The following SASH1 variants were observed in gnomAD, a reference collection of about 807,000 sequenced individuals.
SASH1 encodes the protein SAM and SH3 domain-containing protein 1.
In SASH1, 44 loss-of-function variants were observed where a neutral mutation model predicts 125.2. The ratio of observed to expected loss-of-function variants is 0.35; its 90% confidence interval spans 0.28 to 0.45. The LOEUF is 0.45. Among genes scored for constraint, SASH1 ranks in the 20% least tolerant of loss-of-function variants. SASH1 has a pLI of 1.00. For missense variants in SASH1, 1,426 were observed against 1,614.5 expected, an observed-to-expected ratio of 0.88 and a Z score of 2.00; for synonymous variants, 639 against 649.1, an observed-to-expected ratio of 0.98 and a Z score of 0.24.
intron 1 of SASH1, among the ~76,000 whole-genome samples, chr6:148,372,475 T>C (rs1461967242): frequency 6.6e-6 from 1 of 152,186 alleles, no homozygotes; most frequent in Non-Finnish European, 1.5e-5. Context: ...GGCACCAGCA[T>C]AGTGCCTTAT....
At chr6:148,387,580 CT>C (rs1783451684) in intron 1 of SASH1, among the ~76,000 whole-genome samples, 3 of 5,970 alleles carry the variant, frequency 5.0e-4, no homozygotes, top group South Asian at 0.02. Flanking sequence ...TTCTTTCTTT[CT>C]TTCTTTCTTT....
At position 148,395,435 on chromosome 6, in the gene SASH1, C is replaced by A. The variant is rs539967533; in HGVS notation, c.285+5173C>A. Among the ~76,000 whole-genome samples, 6 of 152,298 alleles carry A rather than the reference C, an allele frequency of 3.9e-5. 1 individual carries two copies. The Middle Eastern group carries it at 0.01, about 259-fold the overall frequency. On this transcript the variant is annotated intron_variant, in intron 2 of 19. Transcript: ENST00000367467. ...TTCTGGACTGGATGTCAAGCTCTTT[C>A]TCTAGGACTTAATCACCCGGATCCT...
At chr6:148,412,537 C>T (rs996368568) in intron 2 of SASH1, among the ~76,000 whole-genome samples, 6 of 152,102 alleles carry the variant, frequency 3.9e-5, no homozygotes, top group African/African-American at 1.2e-4. Context: ...CGTATCAGTC[C>T]GCCTCTCATT....
intron 2 of SASH1, among the ~76,000 whole-genome samples, chr6:148,407,098 A>T (rs1020876337): frequency 2.6e-5 from 4 of 152,316 alleles, no homozygotes; most frequent in Admixed American, 2.0e-4. Flanking sequence ...ATAACGTAAA[A>T]TTTACCATCC....
At position 148,544,608 on chromosome 6, in the gene SASH1, G is replaced by C. The variant is rs780278866; in HGVS notation, c.3138G>C (p.Gly1046=). The C allele has an allele frequency of 3.1e-6, 5 of 1,613,196 alleles. No homozygotes were observed. Among genetic ancestry groups the C allele is most frequent in the Middle Eastern group, 1.6e-4 (1 of 6,062 alleles). ...CACTGGCTCCCAGGCCTCTCTCAGG[G>C]CAGGCGCCTGGCAGCCCACCAAGCA... ...PPALAPRPLS[G]QAPGSPPSTR... The change falls in exon 18 of 20, where the codon GGG becomes GGC. Residue 1046 remains glycine, a synonymous_variant. Coordinates refer to ENST00000367467, the MANE Select transcript of SASH1 (RefSeq NM_015278.5). This position sits in a 1 kb window ranked among gnomAD's most constrained non-coding sequence, Gnocchi z 6.4.
Position 148,543,689 on chromosome 6 carries a change from G to A in SASH1, c.2219G>A (p.Arg740Gln), listed in dbSNP as rs368640467. 31 of 1,531,790 alleles carry A rather than the reference G, an allele frequency of 2.0e-5. No homozygotes were observed. The highest frequency in any genetic ancestry group is 1.8e-4 in the Middle Eastern group (1 of 5,682). 94.9% of individuals were successfully genotyped at this position (1,531,790 alleles called of 1,614,324 possible). ...TTCCCTTGTCTCACAGGCAAGACTCGGAAAGCTAGCCTCCTATCTGCCAAG... is the reference window on the plus strand; with the variant it reads ...TTCCCTTGTCTCACAGGCAAGACTCAGAAAGCTAGCCTCCTATCTGCCAAG... The part of the protein sequence containing the change: ...SSENLENGKT[R>Q]KASLLSAKSS... The change falls in exon 18 of 20, where the codon CGG becomes CAG. Residue 740 changes from arginine (R) to glutamine (Q), a missense_variant. By Grantham distance (43) the Arg-to-Gln change is conservative. Coordinates refer to ENST00000367467, the MANE Select transcript of SASH1 (RefSeq NM_015278.5).
At chr6:148,387,595 T>TCTTC (rs1783463230) in intron 1 of SASH1, among the ~76,000 whole-genome samples, 1 of 11,566 alleles carries the variant, frequency 8.6e-5, no homozygotes, top group Non-Finnish European at 1.6e-4. Flanking sequence ...TTTCTTTCTT[T>TCTTC]CTTTCTTTCT....
intron 8 of SASH1, among the ~76,000 whole-genome samples, chr6:148,493,091 G>A (rs1779176993): frequency 6.6e-6 from 1 of 152,144 alleles, no homozygotes; most frequent in African/African-American, 2.4e-5. Flanking sequence ...AGGCGTAGGT[G>A]ATGATAGGCT....
rs556306933 is a variant in SASH1 at position 148,325,254 on chromosome 6, A to G, written n.74+52877A>G. On this transcript the variant is annotated intron_variant and non_coding_transcript_variant, in intron 1 of 3. Coordinates refer to the SASH1 transcript ENST00000367469. ...GAAGTGCAGAGTGAAATAGGGGAAA[A>G]GCCTCTTTTGTTGTTGTTGTTGTTG... Among the ~76,000 whole-genome samples the G allele has an allele frequency of 3.5e-4, 24 of 68,892 alleles. 1 individual carries two copies. The South Asian group carries it at 9.8e-3, about 28-fold the overall frequency. The allele number at this position is 68,892 out of a possible 152,430, so 45.2% of individuals were successfully genotyped here.
chr6:148,267,286 C>T, the SASH1 span, among the ~76,000 whole-genome samples: 5 of 152,036 alleles, frequency 3.3e-5, no homozygotes, highest in Non-Finnish European at 7.4e-5. Flanking sequence ...CACCCGGAAG[C>T]TTCAAAAAAT....
chr6:148,369,966 C>CAAAAAA (rs562924566), intron 1 of SASH1, among the ~76,000 whole-genome samples: 173 of 93,488 alleles, frequency 1.9e-3, no homozygotes, highest in Middle Eastern at 0.012. Context: ...AAAAGAAAAA[C>CAAAAAA]AAAAAAAAAA....
chr6:148,508,548 T>G (rs774947831), intron 8 of SASH1: 2 of 1,040,034 alleles, frequency 1.9e-6, no homozygotes, highest in African/African-American at 3.4e-5. Flanking sequence ...TTTTTCCTTG[T>G]GGTGAATAGG....
upstream of SASH1, among the ~76,000 whole-genome samples, chr6:148,338,634 A>T (rs1781235758): frequency 6.6e-6 from 1 of 152,066 alleles, no homozygotes; most frequent in Non-Finnish European, 1.5e-5. Context: ...TTGGTAAATG[A>T]TATCCTATAT....
At chr6:148,436,529 TA>T (rs1046876094) in intron 2 of SASH1, among the ~76,000 whole-genome samples, 2 of 131,090 alleles carry the variant, frequency 1.5e-5, no homozygotes, top group African/African-American at 2.6e-5. Context: ...AAATAAAAAT[TA>T]AAAAAAACAA....
At chr6:148,337,884 T>C (rs1297276636), upstream of SASH1, among the ~76,000 whole-genome samples, 2 of 152,192 alleles carry the variant, frequency 1.3e-5, no homozygotes, top group Non-Finnish European at 2.9e-5. Context: ...GCCACAGAAT[T>C]GATTCTGTAA....
At chr6:148,216,581 T>G in the SASH1 span, among the ~76,000 whole-genome samples, 4,836 of 152,258 alleles carry the variant, frequency 0.032, 119 homozygotes, top group South Asian at 0.062. Context: ...CGCTGGCATC[T>G]GGGGACATTT....
At chr6:148,421,215 A>AAGAAAGAAAGAAAGAAAGAAAGAG (rs1554255027) in intron 2 of SASH1, among the ~76,000 whole-genome samples, 1 of 125,520 alleles carries the variant, frequency 8.0e-6, no homozygotes, top group Non-Finnish European at 1.8e-5. Flanking sequence ...GAAAGAAAGA[A>AAGAAAGAAAGAAAGAAAGAAAGAG]AAAGAAAGAA....
intron 2 of SASH1, among the ~76,000 whole-genome samples, chr6:148,396,020 A>C (rs900826880): frequency 2.0e-5 from 3 of 152,158 alleles, no homozygotes. Flanking sequence ...GTTGATGATG[A>C]CATACTCATC....
the SASH1 span, among the ~76,000 whole-genome samples, chr6:148,216,343 C>T: frequency 6.6e-6 from 1 of 152,118 alleles, no homozygotes; most frequent in Non-Finnish European, 1.5e-5. Context: ...TTCTTGCTTA[C>T]TTGGCCTTCT....
Sources: allele counts gnomAD v4.1 joint callset (sites outside exome capture counted in the v4.1 genomes callset), GRCh38; gene constraint gnomAD v4.1.1; non-coding constraint Gnocchi (gnomAD v3.1); transcripts MANE v1.5; gene names NCBI Gene and HGNC (gene_info 2026-07-23, HGNC 2026-07-21).